Variants in KIF13A observed in about 807,000 individuals in gnomAD.
KIF13A encodes the protein kinesin-like protein KIF13A.
Under a neutral mutation model 212.2 loss-of-function variants are expected in KIF13A, and 79 were observed. The ratio of observed to expected loss-of-function variants is 0.37; its 90% confidence interval spans 0.31 to 0.45. KIF13A has a LOEUF of 0.45. KIF13A is among the 20% of genes least tolerant of loss of function. The pLI is 1.00. For missense variants in KIF13A, 1,901 were observed against 2,209.0 expected, an observed-to-expected ratio of 0.86 and a Z score of 2.79; for synonymous variants, 789 against 808.6, an observed-to-expected ratio of 0.98 and a Z score of 0.41.
chr6:17,809,947 CT>C lies in KIF13A; in HGVS notation c.2001-1018del, dbSNP rs1185030490. Among the ~76,000 whole-genome samples, 2 of 152,136 alleles carry C rather than the reference CT, an allele frequency of 1.3e-5. No individual in the cohort carries two copies. The highest frequency in any genetic ancestry group is 2.9e-5 in the Non-Finnish European group (2 of 68,030). ...CAGTTTCTTAAAACCATATTACCAG[CT>C]GGGGGCAGTGGCTCATGGCTATAAT... On this transcript the variant is annotated intron_variant, in intron 17 of 38. Coordinates refer to ENST00000259711, the MANE Select transcript of KIF13A (RefSeq NM_022113.6). This position sits in a 1 kb window ranked among gnomAD's most constrained non-coding sequence, Gnocchi z 4.7.
chr6:17,904,819 G>A (rs1561744285), intron 2 of KIF13A, among the ~76,000 whole-genome samples: 1 of 152,228 alleles, frequency 6.6e-6, no homozygotes, highest in Non-Finnish European at 1.5e-5. Flanking sequence ...AGTATCTTCT[G>A]AACCAGAAAT....
At chr6:17,817,560 T>C (rs1002464460) in intron 16 of KIF13A, among the ~76,000 whole-genome samples, 5 of 152,228 alleles carry the variant, frequency 3.3e-5, no homozygotes, top group Non-Finnish European at 5.9e-5. Flanking sequence ...TCTTATCCAC[T>C]GGGAAGAAAA....
intron 38 of KIF13A, among the ~76,000 whole-genome samples, chr6:17,767,571 G>A (rs1759125030): frequency 6.6e-6 from 1 of 152,166 alleles, no homozygotes; most frequent in African/African-American, 2.4e-5. Flanking sequence ...TAAATTTCAA[G>A]TGTTTGTATC....
At chr6:17,780,586 G>T in intron 31 of KIF13A, 144 bp downstream of exon 31, 1 of 734,574 alleles carries the variant, frequency 1.4e-6, no homozygotes, top group Non-Finnish European at 2.2e-6. Context: ...CCACTACCTT[G>T]GATAAATGAG....
intron 9 of KIF13A, among the ~76,000 whole-genome samples, chr6:17,840,255 A>G (rs1412216649): frequency 6.6e-6 from 1 of 152,218 alleles, no homozygotes; most frequent in South Asian, 2.1e-4. Context: ...CTGTTCAAAA[A>G]AATTAAATAT....
rs760180678 is a variant in KIF13A at position 17,809,274 on chromosome 6, G to T, written c.2001-344C>A. On this transcript the variant is annotated intron_variant, in intron 17 of 38. Coordinates refer to ENST00000259711, the MANE Select transcript of KIF13A (RefSeq NM_022113.6). This position sits in a 1 kb window ranked among gnomAD's most constrained non-coding sequence, Gnocchi z 4.7. The stretch of plus-strand genomic sequence containing the variant: ...CGACTTGTGTGTGCTGAGGGAGGGT[G>T]GTGGGGCAGGGAGGGGTTGGCAGAT... 4.6e-5 allele frequency among the ~76,000 whole-genome samples: 7 copies of T among 152,176 alleles called. No homozygotes were observed. Among genetic ancestry groups the T allele is most frequent in the Non-Finnish European group, 1.0e-4 (7 of 68,030 alleles).
In KIF13A at chr6:17,817,169, T is replaced by C. The variant is rs755770071; in HGVS notation, c.1851A>G (p.Leu617=). ...GCTCATACATGAGCCGCTGCTCCTC[T>C]AGGGCACTTCTCTTTTCTTCTAGGT... ...KQYLEEKRSA[L]EEQRLMYERE... The change falls in exon 17 of 39, where the codon CTA becomes CTG. Residue 617 remains leucine, a synonymous_variant. Coordinates refer to ENST00000259711, the MANE Select transcript of KIF13A (RefSeq NM_022113.6). 3 of 1,613,954 alleles carry C rather than the reference T, an allele frequency of 1.9e-6. No individual in the cohort carries two copies. The East Asian group carries it at 6.7e-5, about 36-fold the overall frequency.
At chr6:17,941,016 G>A (rs1170505767) in intron 2 of KIF13A, among the ~76,000 whole-genome samples, 1 of 151,622 alleles carries the variant, frequency 6.6e-6, no homozygotes, top group African/African-American at 2.4e-5. Context: ...GTAGAGACAG[G>A]GTTTCTCCAT....
At chr6:17,874,997 ACG>A (rs1364744381) in intron 3 of KIF13A, among the ~76,000 whole-genome samples, 3 of 91,348 alleles carry the variant, frequency 3.3e-5, no homozygotes, top group South Asian at 4.8e-4. Context: ...ACACACGCAC[ACG>A]CACGCACACA....
In KIF13A at chr6:17,794,175, T is replaced by C. The variant is rs754361053; in HGVS notation, c.3222+74A>G. The C allele has an allele frequency of 2.2e-5, 26 of 1,192,186 alleles. No individual in the cohort carries two copies. Among genetic ancestry groups the C allele is most frequent in the Admixed American group, 4.2e-5 (2 of 47,900 alleles). 73.9% of individuals were successfully genotyped at this position (1,192,186 alleles called of 1,614,324 possible). A position where few individuals can be genotyped will look rare whatever the true frequency, so the allele number is the denominator to read the frequency against. Reference sequence around the variant, plus strand: ...GGTTAAGGCAAAGAGTTCTGTTATATTGGCAAAGAGGTCCCCCTGGGACCT... The same window carrying C: ...GGTTAAGGCAAAGAGTTCTGTTATACTGGCAAAGAGGTCCCCCTGGGACCT... On this transcript the variant is annotated intron_variant, in intron 25 of 38. Transcript: ENST00000259711. The surrounding 1 kb of genome is among the most constrained non-coding windows in gnomAD (Gnocchi z 4.1).
rs1766098479 is a variant in KIF13A at position 17,837,703 on chromosome 6, G to A, written c.831-120C>T. 2 of 699,160 alleles carry A rather than the reference G, an allele frequency of 2.9e-6. No homozygotes were observed. Among genetic ancestry groups the A allele is most frequent in the East Asian group, 2.8e-5 (1 of 35,534 alleles). The allele number at this position is 699,160 out of a possible 1,614,324, so 43.3% of individuals were successfully genotyped here. A position where few individuals can be genotyped will look rare whatever the true frequency, so the allele number is the denominator to read the frequency against. Reference sequence around the variant, plus strand: ...TTGGTGGCTCACGCCCGTAATCCCAGCACTTTGGGAGGCCAAGGTGGATGA... The same window carrying A: ...TTGGTGGCTCACGCCCGTAATCCCAACACTTTGGGAGGCCAAGGTGGATGA... On this transcript the variant is annotated intron_variant, in intron 9 of 38. Coordinates refer to ENST00000259711, the MANE Select transcript of KIF13A (RefSeq NM_022113.6). This position sits in a 1 kb window ranked among gnomAD's most constrained non-coding sequence, Gnocchi z 5.4.
chr6:17,816,225 G>T lies in KIF13A; in HGVS notation c.2000+795C>A, dbSNP rs1234285540. On this transcript the variant is annotated intron_variant, in intron 17 of 38. Transcript: ENST00000259711. The surrounding 1 kb of genome is among the most constrained non-coding windows in gnomAD (Gnocchi z 4.3). ...GAGCCACCGCACCTGGCCTGAGTCA[G>T]GTCAGGTTCTTCCTGTCACCCAGGC... Among the ~76,000 whole-genome samples the T allele has an allele frequency of 6.7e-6, 1 of 148,152 alleles. No homozygotes were observed. Among genetic ancestry groups the T allele is most frequent in the Non-Finnish European group, 1.5e-5 (1 of 66,972 alleles).
intron 16 of KIF13A, among the ~76,000 whole-genome samples, chr6:17,819,010 T>C (rs1192501434): frequency 6.6e-6 from 1 of 150,526 alleles, no homozygotes; most frequent in Non-Finnish European, 1.5e-5. Context: ...TTTTTTTTTT[T>C]TTTTTTTGAG....
At position 17,849,504 on chromosome 6, in the gene KIF13A, CGA is replaced by C. The variant is rs1317205519; in HGVS notation, c.718-17_718-16del. On this transcript the variant is annotated splice_polypyrimidine_tract_variant and intron_variant, in intron 8 of 38. Coordinates refer to ENST00000259711, the MANE Select transcript of KIF13A (RefSeq NM_022113.6). This position sits in a 1 kb window ranked among gnomAD's most constrained non-coding sequence, Gnocchi z 5.7. ...TCCCCGGAATTCTAGTTATAGGAAACGAGAGAGAGAAGAAAAACTTATCAATA... is the reference window on the plus strand; with the variant it reads ...TCCCCGGAATTCTAGTTATAGGAAACGAGAGAGAAGAAAAACTTATCAATA... 4 of 1,590,776 alleles carry C rather than the reference CGA, an allele frequency of 2.5e-6. No homozygotes were observed. The highest frequency in any genetic ancestry group is 1.7e-5 in the Admixed American group (1 of 59,040).
intron 16 of KIF13A, among the ~76,000 whole-genome samples, chr6:17,817,541 G>C (rs1195887692): frequency 6.6e-6 from 1 of 152,176 alleles, no homozygotes. Flanking sequence ...GGAAGAGAGA[G>C]GAATGTGATC....
intron 2 of KIF13A, among the ~76,000 whole-genome samples, chr6:17,977,269 AT>A (rs1046841222): frequency 6.6e-6 from 1 of 152,144 alleles, no homozygotes; most frequent in Non-Finnish European, 1.5e-5. Context: ...ATACAAAATC[AT>A]TTTTACCATG....
In KIF13A at chr6:17,799,445, G is replaced by A. The variant is rs370603510; in HGVS notation, c.2617-6C>T. The A allele has an allele frequency of 7.4e-5, 113 of 1,521,768 alleles. No homozygotes were observed. The highest frequency in any genetic ancestry group is 9.1e-5 in the Non-Finnish European group (103 of 1,131,482). 94.3% of individuals were successfully genotyped at this position (1,521,768 alleles called of 1,614,324 possible). ...GTTGCTTCTTTAATTTTTACCTGAA[G>A]AGATAAACAATACAAATAAAACTCC... On this transcript the variant is annotated splice_region_variant and splice_polypyrimidine_tract_variant and intron_variant, in intron 21 of 38. Coordinates refer to ENST00000259711, the MANE Select transcript of KIF13A (RefSeq NM_022113.6). The surrounding 1 kb of genome is among the most constrained non-coding windows in gnomAD (Gnocchi z 4.4).
Position 17,772,706 on chromosome 6 carries a change from T to A in KIF13A, c.4325-647A>T, listed in dbSNP as rs1450952213. Reference sequence around the variant, plus strand: ...TTTTGGCACCTTATCATTTAACATCTCATTTTCTGTGTATCTTATTTCCAT... The same window carrying A: ...TTTTGGCACCTTATCATTTAACATCACATTTTCTGTGTATCTTATTTCCAT... On this transcript the variant is annotated intron_variant, in intron 36 of 38. Coordinates refer to ENST00000259711, the MANE Select transcript of KIF13A (RefSeq NM_022113.6). The surrounding 1 kb of genome is among the most constrained non-coding windows in gnomAD (Gnocchi z 4.8). Among the ~76,000 whole-genome samples the A allele has an allele frequency of 6.6e-6, 1 of 152,242 alleles. No individual in the cohort carries two copies. Among genetic ancestry groups the A allele is most frequent in the Non-Finnish European group, 1.5e-5 (1 of 68,044 alleles).
chr6:17,965,640 G>A (rs1779233970), intron 2 of KIF13A, among the ~76,000 whole-genome samples: 1 of 152,208 alleles, frequency 6.6e-6, no homozygotes, highest in African/African-American at 2.4e-5. Context: ...TGTTTTCAGA[G>A]CATAGCAATA....
Sources: allele counts gnomAD v4.1 joint callset (sites outside exome capture counted in the v4.1 genomes callset), GRCh38; gene constraint gnomAD v4.1.1; non-coding constraint Gnocchi (gnomAD v3.1); transcripts MANE v1.5; gene names NCBI Gene and HGNC (gene_info 2026-07-23, HGNC 2026-07-21).